The following NXPE4 variants were observed in gnomAD, a reference collection of about 807,000 sequenced individuals.
The protein encoded by NXPE4 is neurexophilin and PC-esterase domain family member 4.
Under a neutral mutation model 33.3 loss-of-function variants are expected in NXPE4, and 42 were observed. That is an observed-to-expected ratio of 1.26 (90% CI 0.98 to 1.63). NXPE4 has a LOEUF of 1.63. Ranked by LOEUF, NXPE4 falls within the 40% of genes most tolerant of loss-of-function variation. The pLI is 0.00. For synonymous variants in NXPE4, 253 were observed against 234.9 expected, an observed-to-expected ratio of 1.08 and a Z score of -0.71; for missense variants, 709 against 647.6, an observed-to-expected ratio of 1.09 and a Z score of -1.03.
chr11:114,615,334 C>T, the NXPE4 span, among the ~76,000 whole-genome samples: 121 of 150,028 alleles, frequency 8.1e-4, no homozygotes, highest in African/African-American at 2.5e-3. Context: ...CATTACCCGC[C>T]GGATACTAAG....
In NXPE4 at chr11:114,582,715, C is replaced by A; in HGVS notation, c.403G>T (p.Gly135Trp). The change falls in exon 3 of 6, where the codon GGG becomes TGG. Residue 135 changes from glycine (G) to tryptophan (W), a missense_variant. Coordinates refer to ENST00000375478, the MANE Select transcript of NXPE4 (RefSeq NM_001077639.2). ...DHLGRRKQYG[G>W]DFLRARMSSP... ...GACATCCTGGCCCTCAGGAAATCCC[C>A]GCCATATTGCTTCCTGCGTCCCAAG... 6.2e-7 allele frequency: 1 copy of A among 1,614,130 alleles called. No homozygotes were observed. Among genetic ancestry groups the A allele is most frequent in the Non-Finnish European group, 8.5e-7 (1 of 1,180,012 alleles).
At chr11:114,671,022 T>C in the NXPE4 span, among the ~76,000 whole-genome samples, 24 of 148,894 alleles carry the variant, frequency 1.6e-4, no homozygotes, top group Non-Finnish European at 3.0e-4. Context: ...AAGGAGAGAT[T>C]GTCAATAAGG....
chr11:114,625,060 T>C, the NXPE4 span, among the ~76,000 whole-genome samples: 1 of 152,116 alleles, frequency 6.6e-6, no homozygotes, highest in African/African-American at 2.4e-5. Flanking sequence ...CTGTGGATGA[T>C]AAATATTGCC....
upstream of NXPE4, among the ~76,000 whole-genome samples, chr11:114,600,142 A>G (rs1318439992): frequency 6.6e-6 from 1 of 152,154 alleles, no homozygotes; most frequent in African/African-American, 2.4e-5. Flanking sequence ...AAGAAAAACA[A>G]GTTTATTTCC....
At chr11:114,577,945 A>G (rs570841019) in intron 5 of NXPE4, among the ~76,000 whole-genome samples, 1 of 152,310 alleles carries the variant, frequency 6.6e-6, no homozygotes, top group Admixed American at 6.5e-5. Context: ...TATACAAAGC[A>G]TTTATTTGGA....
the NXPE4 span, among the ~76,000 whole-genome samples, chr11:114,624,805 T>G: frequency 1.3e-5 from 2 of 152,162 alleles, no homozygotes; most frequent in African/African-American, 4.8e-5. Context: ...ACCCGGTGGA[T>G]AGTAAGTATT....
the NXPE4 span, among the ~76,000 whole-genome samples, chr11:114,608,121 G>T: frequency 6.6e-6 from 1 of 151,642 alleles, no homozygotes. Flanking sequence ...GTTACCCAAT[G>T]GATAATAAGT....
At position 114,571,220 on chromosome 11, in the gene NXPE4, G is replaced by C; in HGVS notation, c.1353C>G (p.Ala451=). ...GCTGAATGGCTTTGTGGACATTGAG[G>C]GCCCTTCGGATAAAAACATCAATGG... ...PFPIDVFIRR[A]LNVHKAIQHL... is the part of the protein sequence containing the mutation. The change falls in exon 6 of 6, where the codon GCC becomes GCG. Residue 451 remains alanine (A), a synonymous_variant. Coordinates refer to ENST00000375478, the MANE Select transcript of NXPE4 (RefSeq NM_001077639.2). The C allele has an allele frequency of 6.2e-7, 1 of 1,614,008 alleles. No homozygotes were observed. The highest frequency in any genetic ancestry group is 8.5e-7 in the Non-Finnish European group (1 of 1,179,964).
At chr11:114,653,020 G>T in the NXPE4 span, among the ~76,000 whole-genome samples, 7 of 152,224 alleles carry the variant, frequency 4.6e-5, no homozygotes, top group East Asian at 1.2e-3. Flanking sequence ...AATCTGGGGG[G>T]TTCTGCTGAT....
the NXPE4 span, among the ~76,000 whole-genome samples, chr11:114,640,684 A>T: frequency 2.0e-5 from 3 of 151,890 alleles, no homozygotes; most frequent in Admixed American, 6.6e-5. Flanking sequence ...TTATGCTTTT[A>T]ATTTCCATTT....
At chr11:114,600,679 A>G (rs1949627444), upstream of NXPE4, among the ~76,000 whole-genome samples, 1 of 152,144 alleles carries the variant, frequency 6.6e-6, no homozygotes, top group Non-Finnish European at 1.5e-5. Context: ...GTCCTGAAAT[A>G]GAAGAAGGAC....
the NXPE4 span, among the ~76,000 whole-genome samples, chr11:114,652,860 T>G: frequency 6.6e-6 from 1 of 152,332 alleles, no homozygotes; most frequent in Non-Finnish European, 1.5e-5. Flanking sequence ...GCATTTTCCA[T>G]TTGGTACTGC....
At chr11:114,669,044 G>A in the NXPE4 span, among the ~76,000 whole-genome samples, 1 of 151,990 alleles carries the variant, frequency 6.6e-6, no homozygotes, top group Non-Finnish European at 1.5e-5. Flanking sequence ...GGAAGAGACT[G>A]ATCAGATTTA....
chr11:114,647,007 G>A, the NXPE4 span, among the ~76,000 whole-genome samples: 1 of 152,190 alleles, frequency 6.6e-6, no homozygotes, highest in Admixed American at 6.5e-5. Context: ...GACACTGACG[G>A]CACACCTTCA....
chr11:114,611,635 G>A, the NXPE4 span, among the ~76,000 whole-genome samples: 27,154 of 149,986 alleles, frequency 0.18, 2,817 homozygotes, highest in Non-Finnish European at 0.22. Context: ...GTGTTACCTC[G>A]TGTGTAGCCA....
the NXPE4 span, among the ~76,000 whole-genome samples, chr11:114,673,063 C>G: frequency 1.4e-5 from 2 of 147,524 alleles, no homozygotes; most frequent in Non-Finnish European, 3.0e-5. Context: ...ATAAAACAAG[C>G]CTATATATAT....
intron 4 of NXPE4, among the ~76,000 whole-genome samples, chr11:114,581,060 T>G (rs1949133586): frequency 6.6e-6 from 1 of 152,218 alleles, no homozygotes; most frequent in African/African-American, 2.4e-5. Context: ...TAGGTACATA[T>G]TTACACTTCA....
At chr11:114,601,937 ATT>A in the NXPE4 span, among the ~76,000 whole-genome samples, 65 of 82,084 alleles carry the variant, frequency 7.9e-4, no homozygotes, top group African/African-American at 3.1e-3. Flanking sequence ...ATTTATATAT[ATT>A]ATATAATTAT....
the NXPE4 span, among the ~76,000 whole-genome samples, chr11:114,642,385 T>G: frequency 6.6e-6 from 1 of 151,930 alleles, no homozygotes; most frequent in East Asian, 1.9e-4. Flanking sequence ...CATCCCACCA[T>G]CTACAGTAGG....
Sources: gnomAD v4.1 joint callset for allele counts (sites outside exome capture counted in the v4.1 genomes callset) on GRCh38, gnomAD v4.1.1 for gene constraint, MANE v1.5 for transcripts, NCBI Gene and HGNC (gene_info 2026-07-23, HGNC 2026-07-21) for gene names.